The following TTN variants were observed in gnomAD, a reference collection of about 807,000 sequenced individuals.
The protein encoded by TTN is connectin.
A neutral mutation model predicts 3,223.0 loss-of-function variants in TTN; 1,525 were observed. The observed-to-expected ratio is 0.47, with a 90% CI of 0.45 to 0.49. The LOEUF (loss-of-function observed/expected upper bound fraction) is 0.49. Among genes scored for constraint, TTN ranks in the 20% least tolerant of loss-of-function variants. The probability of loss-of-function intolerance (pLI) is 0.00; values close to 1 mark genes in which losing one functional copy is unlikely to be tolerated. For missense variants in TTN, 40,786 were observed against 43,424.0 expected, an observed-to-expected ratio of 0.94 and a Z score of 5.40; for synonymous variants, 14,094 against 15,161.0, an observed-to-expected ratio of 0.93 and a Z score of 5.17.
At position 178,592,077 on chromosome 2, in the gene TTN, C is replaced by T. The variant is rs751863629; in HGVS notation, c.59827G>A (p.Glu19943Lys). 6.8e-6 allele frequency: 11 copies of T among 1,613,018 alleles called. No homozygotes were observed. The Admixed American group carries it at 1.8e-4, about 27-fold the overall frequency. The stretch of plus-strand genomic sequence containing the variant: ...ACTCGGAAGAGGTACTGGTTGCCTT[C>T]ATTCAGATGCTTAGCGAAGTGACTC... ...KKSHFAKHLNEGNQYLFRVAA... is the reference protein window; with the variant it reads ...KKSHFAKHLNKGNQYLFRVAA... The change falls in exon 302 of 363, where the codon GAA becomes AAA. Residue 19943 changes from glutamate (E) to lysine (K), a missense_variant. Glu to Lys is a moderately conservative substitution (Grantham distance 56). Transcript: ENST00000589042.
chr2:178,726,958 T>TAATA, intron 69 of TTN, 132 bp downstream of exon 69: 1 of 955,674 alleles, frequency 1.0e-6, no homozygotes, highest in Non-Finnish European at 1.4e-6. Flanking sequence ...AAAAGGGAAA[T>TAATA]AATACTAGCT....
At chr2:178,619,592 G>C (rs1245955242) in intron 250 of TTN, 29 bp downstream of exon 250, 1 of 1,601,668 alleles carries the variant, frequency 6.2e-7, no homozygotes, top group Non-Finnish European at 8.5e-7. Flanking sequence ...TGTGATATTG[G>C]AAGGATATTT....
Position 178,599,303 on chromosome 2 carries a change from C to A in TTN, c.56490G>T (p.Lys18830Asn), listed in dbSNP as rs1004119141. The change falls in exon 290 of 363, where the codon AAG becomes AAT. Residue 18830 changes from lysine (K) to asparagine (N), a missense_variant. Physicochemically the swap from Lys to Asn is moderately conservative, Grantham distance 94 (BLOSUM62 0). Coordinates refer to ENST00000589042, the MANE Select transcript of TTN (RefSeq NM_001267550.2). ...YVIEKREANR[K>N]TWVHVSSEPK... ...GTTCACTGGAGACATGGACCCATGTCTTCCTGTTAGCTTCTCTTTTCTCAA... is the reference window on the plus strand; with the variant it reads ...GTTCACTGGAGACATGGACCCATGTATTCCTGTTAGCTTCTCTTTTCTCAA... 1.2e-6 allele frequency: 2 copies of A among 1,609,096 alleles called. No homozygotes were observed. Among genetic ancestry groups the A allele is most frequent in the Non-Finnish European group, 1.7e-6 (2 of 1,178,166 alleles).
At chr2:178,750,542 T>C (rs1377321591) in intron 47 of TTN, 2 of 1,612,488 alleles carry the variant, frequency 1.2e-6, no homozygotes, top group Non-Finnish European at 1.7e-6. Flanking sequence ...ATAAACTTCT[T>C]GAGATTCAAT....
intron 21 of TTN, 136 bp downstream of exon 21, chr2:178,780,985 T>C: frequency 1.7e-6 from 2 of 1,150,906 alleles, no homozygotes; most frequent in African/African-American, 1.5e-5. Flanking sequence ...ACATTTTCCA[T>C]ACAACTGAGG....
rs756188488 is a variant in TTN, at chr2:178,727,752, T to C, written c.19826A>G (p.Lys6609Arg). Residue 6609 changes from lysine to arginine, a missense_variant, in exon 68 of 363, where the codon AAG (lysine) becomes AGG (arginine). Transcript: ENST00000589042. ...GTPPFKIKWF[K>R]DDVELVSGPK... is the part of the protein sequence containing the mutation. ...ACCTGAGACAAGTTCCACATCATCC[T>C]TAAACCATTTTATTTTAAATGGTGG... 6 of 1,613,284 alleles carry C rather than the reference T, an allele frequency of 3.7e-6. 1 individual carries two copies. In the Admixed American group the frequency reaches 1.0e-4, roughly 27 times the overall value.
intron 326 of TTN, 58 bp downstream of exon 326, chr2:178,559,251 TCA>T (rs1335546385): frequency 4.9e-6 from 7 of 1,426,816 alleles, no homozygotes; most frequent in African/African-American, 1.4e-5. Context: ...TTAGAATGAC[TCA>T]CACTATTCTA....
chr2:178,682,915 T>C lies in TTN; in HGVS notation c.32888-12A>G. ...CATTATAGTTACTTCTGAAACAATA[T>C]TAACAACAGGCAGCACTTTACTTTA... On this transcript the variant is annotated splice_polypyrimidine_tract_variant and intron_variant, in intron 134 of 362. Coordinates refer to ENST00000589042, the MANE Select transcript of TTN (RefSeq NM_001267550.2). 1 of 1,583,098 alleles carries C rather than the reference T, an allele frequency of 6.3e-7. No homozygotes were observed.
chr2:178,714,462 T>C lies in TTN; in HGVS notation c.26312A>G (p.Lys8771Arg). The change falls in exon 91 of 363, where the codon AAA becomes AGA. Residue 8771 changes from lysine to arginine, a missense_variant. Transcript: ENST00000589042. ...TTCTCTAACGATTTCTCCCTTATCT[T>C]TGAACCACACCACTGAAATGGGTTC... is the stretch of plus-strand genomic sequence containing the variant. ...GAEPISVVWFKDKGEIVRESD... is the reference protein window; with the variant it reads ...GAEPISVVWFRDKGEIVRESD... 6.2e-7 allele frequency: 1 copy of C among 1,613,664 alleles called. No homozygotes were observed. Among genetic ancestry groups the C allele is most frequent in the Non-Finnish European group, 8.5e-7 (1 of 1,179,704 alleles).
chr2:178,797,874 C>G (rs983167242), intron 6 of TTN, among the ~76,000 whole-genome samples: 1 of 150,578 alleles, frequency 6.6e-6, no homozygotes, highest in Non-Finnish European at 1.5e-5. Context: ...ATTGTCTTCT[C>G]TTTTTTTTTC....
chr2:178,794,299 AT>A lies in TTN; in HGVS notation c.1398+99del. On this transcript the variant is annotated intron_variant, in intron 8 of 362. Coordinates refer to ENST00000589042, the MANE Select transcript of TTN (RefSeq NM_001267550.2). ...GGGCTCAAGGCTGTCTTCAGAATGA[AT>A]TGAGCACAGCTGCATGCCAAGCTCA... is the stretch of plus-strand genomic sequence containing the variant. 7.1e-6 allele frequency: 11 copies of A among 1,555,352 alleles called. 1 individual carries two copies. In the South Asian group the frequency reaches 1.2e-4, roughly 17 times the overall value.
Position 178,554,752 on chromosome 2 carries a change from T to C in TTN, c.88595A>G (p.Asp29532Gly). Reference protein sequence around the residue: ...ASATIRVQILDKPGPPGGPIE... With the variant: ...ASATIRVQILGKPGPPGGPIE... ...TGGTCCACCAGGTGGGCCTGGTTTGTCTATCAGTGAAAGGACAAAACACGA... is the reference window on the plus strand; with the variant it reads ...TGGTCCACCAGGTGGGCCTGGTTTGCCTATCAGTGAAAGGACAAAACACGA... Residue 29532 changes from aspartate (D) to glycine (G), a missense_variant and splice_region_variant, in exon 332 of 363, where the codon GAC becomes GGC. Physicochemically the swap from Asp to Gly is moderately conservative, Grantham distance 94. Coordinates refer to ENST00000589042, the MANE Select transcript of TTN (RefSeq NM_001267550.2). The C allele has an allele frequency of 6.2e-7, 1 of 1,613,340 alleles. No homozygotes were observed. The highest frequency in any genetic ancestry group is 8.5e-7 in the Non-Finnish European group (1 of 1,179,740).
At chr2:178,783,964 G>C (rs1212925597) in intron 16 of TTN, 106 bp downstream of exon 16, 7 of 1,578,372 alleles carry the variant, frequency 4.4e-6, no homozygotes, top group Non-Finnish European at 6.1e-6. Context: ...GTATGGCAAA[G>C]GAGAAAGGCA....
Position 178,728,157 on chromosome 2 carries a change from G to A in TTN, c.19667C>T (p.Ser6556Leu), listed in dbSNP as rs2154306280. 2.1e-5 allele frequency: 34 copies of A among 1,608,084 alleles called. No homozygotes were observed. Among genetic ancestry groups the A allele is most frequent in the Non-Finnish European group, 2.9e-5 (34 of 1,176,486 alleles). ...GCATGCATCATCTCCTGCTACATTTGACACTTTGCATGTGTAATTTGCAGT... is the reference window on the plus strand; with the variant it reads ...GCATGCATCATCTCCTGCTACATTTAACACTTTGCATGTGTAATTTGCAGT... ...EDTANYTCKV[S>L]NVAGDDACSG... The change falls in exon 67 of 363, where the codon TCA becomes TTA. Residue 6556 changes from serine (S) to leucine (L), a missense_variant. Coordinates refer to ENST00000589042, the MANE Select transcript of TTN (RefSeq NM_001267550.2).
chr2:178,724,233 C>A (rs1265742645), intron 72 of TTN, 27 bp downstream of exon 72: 1 of 1,594,226 alleles, frequency 6.3e-7, no homozygotes, highest in South Asian at 1.1e-5. Flanking sequence ...TTTGCATAAG[C>A]AACCAGAAGA....
intron 47 of TTN, chr2:178,745,190 G>A (rs769390711): frequency 3.8e-5 from 38 of 1,002,054 alleles, no homozygotes; most frequent in Middle Eastern, 5.0e-4. Flanking sequence ...ATTTGTCTGC[G>A]TGGTCATCTG....
rs1298494952 is a variant in TTN, at chr2:178,789,994, T to C, written c.1922A>G (p.Gln641Arg). 1 of 1,613,118 alleles carries C rather than the reference T, an allele frequency of 6.2e-7. No homozygotes were observed. The highest frequency in any genetic ancestry group is 8.5e-7 in the Non-Finnish European group (1 of 1,179,356). Residue 641 changes from glutamine (Q) to arginine (R), a missense_variant, in exon 12 of 363, where the codon CAA becomes CGA. Physicochemically the swap from Gln to Arg is conservative, Grantham distance 43 (BLOSUM62 1). Transcript: ENST00000589042. ...TGTATTCACCTTCTCCTGAGTTATT[T>C]GCACTTGTTCTCTTTTGGTAGTAAT... ...EGITTKREQV[Q>R]ITQEKMRKEA... is the part of the protein sequence containing the mutation.
intron 111 of TTN, among the ~76,000 whole-genome samples, chr2:178,700,459 G>A (rs530544520): frequency 6.6e-6 from 1 of 152,304 alleles, no homozygotes; most frequent in South Asian, 2.1e-4. Context: ...CATGCTGGGA[G>A]AATTCTGACA....
chr2:178,554,299 G>A (rs998688195), intron 332 of TTN, 83 bp from the exon 333 acceptor site: 33 of 1,457,092 alleles, frequency 2.3e-5, no homozygotes, highest in Non-Finnish European at 2.7e-5. Context: ...TTCTTTCCAA[G>A]AACATTGGTT....
Sources: gnomAD v4.1 joint callset for allele counts (sites outside exome capture counted in the v4.1 genomes callset) on GRCh38, gnomAD v4.1.1 for gene constraint, MANE v1.5 for transcripts, NCBI Gene and HGNC (gene_info 2026-07-23, HGNC 2026-07-21) for gene names.